Variants in CCDC24 observed in about 807,000 individuals in gnomAD.
CCDC24 encodes the protein coiled-coil domain containing 24.
CCDC24 carries 34 observed loss-of-function variants against 31.6 expected under a neutral mutation model. That is an observed-to-expected ratio of 1.08 (90% CI 0.82 to 1.43). The LOEUF (loss-of-function observed/expected upper bound fraction) is 1.43, where lower values mean the gene tolerates loss of function less well. Among genes scored for constraint, CCDC24 ranks in the 40% most tolerant of loss-of-function variants. The pLI is 0.00. For missense variants in CCDC24, 426 were observed against 391.1 expected (o/e 1.09, Z -0.75); for synonymous variants, 175 against 157.3 (o/e 1.11, Z -0.84).
chr1:43,994,048 G>A lies in CCDC24; in HGVS notation c.497+84G>A, dbSNP rs574040267. ...GAGGTGCTGGGATTGTGAGACAGGA[G>A]GTGGGTAGTATACTTGGCGGGGAGG... On this transcript the variant is annotated intron_variant, in intron 5 of 8. Transcript: ENST00000372318. The A allele has an allele frequency of 8.8e-6, 11 of 1,257,014 alleles. No homozygotes were observed. The African/African-American group carries it at 1.6e-4, about 19-fold the overall frequency. The allele number at this position is 1,257,014 out of a possible 1,614,324, so 77.9% of individuals were successfully genotyped here. A position where few individuals can be genotyped will look rare whatever the true frequency, so the allele number is the denominator to read the frequency against.
chr1:43,994,075 CCATGTGCGTAAGGCT>C (rs2085788843), intron 5 of CCDC24, 111 bp downstream of exon 5: 1 of 951,560 alleles, frequency 1.1e-6, no homozygotes, highest in African/African-American at 1.6e-5. Flanking sequence ...GCGGGGAGGC[CCATGTGCGTAAGGCT>C]GAGAGGTGGA....
Position 43,996,336 on chromosome 1 carries a change from C to T in CCDC24, c.*176C>T. The stretch of plus-strand genomic sequence containing the variant: ...CACCCCCTTGCCAGATCCCTGGTGT[C>T]TGGAGCTGAGTGGCCGGGCATCGGT... On this transcript the variant is annotated 3_prime_UTR_variant, in exon 9 of 9. Coordinates refer to ENST00000372318, the MANE Select transcript of CCDC24 (RefSeq NM_152499.4). 1 of 607,622 alleles carries T rather than the reference C, an allele frequency of 1.6e-6. No individual in the cohort carries two copies. The highest frequency in any genetic ancestry group is 2.9e-5 in the East Asian group (1 of 34,402). 37.6% of individuals were successfully genotyped at this position (607,622 alleles called of 1,614,324 possible).
rs779694936 is a variant in CCDC24 at position 43,995,923 on chromosome 1, CTCTT to C, written c.702-10_702-7del. On this transcript the variant is annotated splice_polypyrimidine_tract_variant and intron_variant, in intron 8 of 8. Transcript: ENST00000372318. The surrounding 1 kb of genome is among the most constrained non-coding windows in gnomAD (Gnocchi z 4.3). ...ATCAGACCACCACCCCTCACAGTTACTCTTTCTTGTCCAGGCAGCGGCCCTTGGG... is the reference window on the plus strand; with the variant it reads ...ATCAGACCACCACCCCTCACAGTTACTCTTGTCCAGGCAGCGGCCCTTGGG... 1.2e-5 allele frequency: 20 copies of C among 1,613,806 alleles called. No individual in the cohort carries two copies. In the African/African-American group the frequency reaches 2.5e-4, roughly 20 times the overall value.
chr1:43,994,447 T>TTC (rs2085794476), intron 5 of CCDC24: 1 of 160,190 alleles, frequency 6.2e-6, no homozygotes, highest in African/African-American at 2.4e-5. Flanking sequence ...TCTTTCTTTT[T>TTC]TTTTTTTTTT....
Position 43,992,399 on chromosome 1 carries a change from AGGCCT to A in CCDC24, c.302+15_302+19del. 2 of 1,613,950 alleles carry A rather than the reference AGGCCT, an allele frequency of 1.2e-6. No homozygotes were observed. Among genetic ancestry groups the A allele is most frequent in the Non-Finnish European group, 1.7e-6 (2 of 1,179,916 alleles). On this transcript the variant is annotated intron_variant, in intron 3 of 8. Transcript: ENST00000372318. ...ATCTGTGAGGGCAGGTGGGAGCCTC[AGGCCT>A]GGGCCCTTTCCCTAGATACCAGGTG...
chr1:43,995,537 C>T lies in CCDC24; in HGVS notation c.553-64C>T, dbSNP rs1164245814. On this transcript the variant is annotated intron_variant, in intron 6 of 8. Coordinates refer to ENST00000372318, the MANE Select transcript of CCDC24 (RefSeq NM_152499.4). The surrounding 1 kb of genome is among the most constrained non-coding windows in gnomAD (Gnocchi z 4.3). ...ACGGGCCTGCCCTGGGGATCTTGGC[C>T]TCTGTATCCTGCCTTGCCCCACCCC... 2.7e-6 allele frequency: 4 copies of T among 1,488,262 alleles called. No individual in the cohort carries two copies. The highest frequency in any genetic ancestry group is 2.7e-6 in the Non-Finnish European group (3 of 1,107,300). 92.2% of individuals were successfully genotyped at this position (1,488,262 alleles called of 1,614,324 possible). A position where few individuals can be genotyped will look rare whatever the true frequency, so the allele number is the denominator to read the frequency against.
intron 4 of CCDC24, 168 bp from the exon 5 acceptor site, chr1:43,993,719 A>G: frequency 3.4e-6 from 2 of 594,540 alleles, no homozygotes; most frequent in Non-Finnish European, 6.1e-6. Flanking sequence ...GTCACACACA[A>G]TGAAGGGTGG....
chr1:43,993,940 T>C lies in CCDC24; in HGVS notation c.473T>C (p.Ile158Thr). ...AAGGACCAACTGAACGTGTCCAACA[T>C]TGACCAGGTGGCCAGACACCTGAGG... ...IIKDQLNVSN[I>T]DQVARHLRGL... Residue 158 changes from isoleucine (I) to threonine (T), a missense_variant, in exon 5 of 9, where the codon ATT (isoleucine) becomes ACT (threonine). Transcript: ENST00000372318. The C allele has an allele frequency of 8.7e-6, 14 of 1,614,142 alleles. No homozygotes were observed. The highest frequency in any genetic ancestry group is 1.1e-5 in the Non-Finnish European group (13 of 1,180,016).
intron 5 of CCDC24, 41 bp downstream of exon 5, chr1:43,994,005 G>GAGAC (rs2085787807): frequency 6.4e-7 from 1 of 1,563,850 alleles, no homozygotes; most frequent in Non-Finnish European, 8.8e-7. Flanking sequence ...GGCAGGGGTG[G>GAGAC]AGACAAGGAT....
intron 5 of CCDC24, chr1:43,994,581 C>G (rs1189256341): frequency 6.2e-6 from 1 of 160,646 alleles, no homozygotes; most frequent in Non-Finnish European, 1.4e-5. Context: ...GCTGGGACTA[C>G]AGATGCCCAC....
In CCDC24 at chr1:43,995,385, G is replaced by C. The variant is rs1196134617; in HGVS notation, c.553-216G>C. The C allele has an allele frequency of 2.9e-6, 2 of 695,562 alleles. No individual in the cohort carries two copies. Among genetic ancestry groups the C allele is most frequent in the Non-Finnish European group, 4.7e-6 (2 of 422,954 alleles). 43.1% of individuals were successfully genotyped at this position (695,562 alleles called of 1,614,324 possible). A position where few individuals can be genotyped will look rare whatever the true frequency, so the allele number is the denominator to read the frequency against. ...CAGGGCCAACCGTTTTAGGTCTTTTGCCTCCTTCCTTTACCTAAGTCTGGG... is the reference window on the plus strand; with the variant it reads ...CAGGGCCAACCGTTTTAGGTCTTTTCCCTCCTTCCTTTACCTAAGTCTGGG... On this transcript the variant is annotated intron_variant, in intron 6 of 8. Coordinates refer to ENST00000372318, the MANE Select transcript of CCDC24 (RefSeq NM_152499.4). This position sits in a 1 kb window ranked among gnomAD's most constrained non-coding sequence, Gnocchi z 4.3.
At chr1:43,992,083 C>A in intron 2 of CCDC24, 79 bp downstream of exon 2, 1 of 1,497,790 alleles carries the variant, frequency 6.7e-7, no homozygotes, top group East Asian at 2.3e-5. Flanking sequence ...GGTCCCTGGC[C>A]CTGCCGGGTA....
At position 43,994,754 on chromosome 1, in the gene CCDC24, A is replaced by AAAT. The variant is rs1331441588; in HGVS notation, c.498-351_498-349dup. 1.2e-4 allele frequency: 36 copies of AAAT among 294,118 alleles called. No homozygotes were observed. In the East Asian group the frequency reaches 2.4e-3, roughly 19 times the overall value. The allele number at this position is 294,118 out of a possible 1,614,324, so 18.2% of individuals were successfully genotyped here. On this transcript the variant is annotated intron_variant, in intron 5 of 8. Transcript: ENST00000372318. ...CCTCGCCTGGCCGACCCTGTTTCAA[A>AAAT]AATAAATACCTTGACACAGGGGTAG... is the stretch of plus-strand genomic sequence containing the variant.
intron 4 of CCDC24, among the ~76,000 whole-genome samples, chr1:43,993,285 G>GA (rs34298087): frequency 0.028 from 4,111 of 148,638 alleles, 205 homozygotes; most frequent in African/African-American, 0.094. Flanking sequence ...TACAAAAAGT[G>GA]AAAAAAAAAA....
intron 4 of CCDC24, 82 bp downstream of exon 4, chr1:43,992,721 G>A (rs2085769686): frequency 7.8e-7 from 1 of 1,281,416 alleles, no homozygotes; most frequent in Non-Finnish European, 1.1e-6. Flanking sequence ...CTGGCTCCAT[G>A]CAGGAGATTC....
chr1:43,992,532 C>A lies in CCDC24; in HGVS notation c.312C>A (p.Ala104=). The A allele has an allele frequency of 2.5e-6, 4 of 1,614,174 alleles. No individual in the cohort carries two copies. Among genetic ancestry groups the A allele is most frequent in the Non-Finnish European group, 3.4e-6 (4 of 1,180,020 alleles). ...TGTGCACCTTCTGCAGGGACCAGGCCCAAGCTTGGGTCCAGTATAGCCCCA... is the reference window on the plus strand; with the variant it reads ...TGTGCACCTTCTGCAGGGACCAGGCACAAGCTTGGGTCCAGTATAGCCCCA... ...HKAICEGRDQ[A]QAWVQYSPRV... is the part of the protein sequence containing the mutation. The change falls in exon 4 of 9, where the codon GCC becomes GCA. Residue 104 remains alanine, a synonymous_variant. Transcript: ENST00000372318.
chr1:43,996,250 A>T lies in CCDC24; in HGVS notation c.*90A>T. 8.0e-7 allele frequency: 1 copy of T among 1,253,296 alleles called. No homozygotes were observed. Among genetic ancestry groups the T allele is most frequent in the Non-Finnish European group, 1.1e-6 (1 of 922,556 alleles). 77.6% of individuals were successfully genotyped at this position (1,253,296 alleles called of 1,614,324 possible). A position where few individuals can be genotyped will look rare whatever the true frequency, so the allele number is the denominator to read the frequency against. On this transcript the variant is annotated 3_prime_UTR_variant, in exon 9 of 9. Transcript: ENST00000372318. Reference sequence around the variant, plus strand: ...GCTGCTTTGGCCCAGCCAGCTTCAGATCTGGTCTTGGCGAGCTCTCGCCAG... The same window carrying T: ...GCTGCTTTGGCCCAGCCAGCTTCAGTTCTGGTCTTGGCGAGCTCTCGCCAG...
At chr1:43,992,182 A>G (rs1364104309) in intron 2 of CCDC24, 30 bp from the exon 3 acceptor site, 1 of 1,582,374 alleles carries the variant, frequency 6.3e-7, no homozygotes, top group Non-Finnish European at 8.6e-7. Flanking sequence ...TCCCCTCCCC[A>G]GTCGCAAGGT....
intron 5 of CCDC24, chr1:43,994,543 C>T: frequency 6.3e-6 from 1 of 158,614 alleles, no homozygotes; most frequent in Non-Finnish European, 1.4e-5. Context: ...CGGGTTCACA[C>T]CATTCTCCTG....
Sources: gnomAD v4.1 joint callset for allele counts (sites outside exome capture counted in the v4.1 genomes callset) on GRCh38, gnomAD v4.1.1 for gene constraint, Gnocchi (gnomAD v3.1) non-coding constraint, MANE v1.5 for transcripts, NCBI Gene and HGNC (gene_info 2026-07-23, HGNC 2026-07-21) for gene names.